PRIM1: variants seen among roughly 807,000 people sequenced by gnomAD.
PRIM1 encodes DNA primase subunit 1.
In PRIM1, 38 loss-of-function variants were observed where a neutral mutation model predicts 60.2. That is an observed-to-expected ratio of 0.63 (90% CI 0.49 to 0.83). PRIM1 has a LOEUF of 0.83. Among genes scored for constraint, PRIM1 ranks in the 40% least tolerant of loss-of-function variants. The pLI, the probability that PRIM1 is intolerant of heterozygous loss-of-function variation, is 0.00. For missense variants in PRIM1, 388 were observed against 506.2 expected, an observed-to-expected ratio of 0.77 and a Z score of 2.24; for synonymous variants, 158 against 160.2, an observed-to-expected ratio of 0.99 and a Z score of 0.10.
At chr12:56,748,559 G>A (rs1000114124) in intron 2 of PRIM1, among the ~76,000 whole-genome samples, 1 of 151,172 alleles carries the variant, frequency 6.6e-6, no homozygotes, top group Non-Finnish European at 1.5e-5. Flanking sequence ...CCCGGGAGGC[G>A]GAGGCTGCAG....
intron 11 of PRIM1, among the ~76,000 whole-genome samples, chr12:56,737,037 C>T (rs968752408): frequency 1.3e-5 from 2 of 152,012 alleles, no homozygotes; most frequent in African/African-American, 2.4e-5. Context: ...CTCGGCCTCC[C>T]AAAGTGCTGG....
chr12:56,737,262 T>G (rs1381850777), intron 11 of PRIM1, among the ~76,000 whole-genome samples: 1 of 151,786 alleles, frequency 6.6e-6, no homozygotes, highest in Non-Finnish European at 1.5e-5. Flanking sequence ...CTCCTCCCCC[T>G]CTCTTTGCAG....
intron 1 of PRIM1, 126 bp from the exon 2 acceptor site, chr12:56,751,321 C>T: frequency 3.0e-6 from 2 of 673,862 alleles, no homozygotes; most frequent in Non-Finnish European, 4.6e-6. Flanking sequence ...GCTCTGTCGC[C>T]CAGACTGGAG....
rs1953847940 is a variant in PRIM1, at chr12:56,738,312, T to C, written c.1144+122A>G. The C allele has an allele frequency of 3.8e-6, 5 of 1,328,112 alleles. No homozygotes were observed. The South Asian group carries it at 6.1e-5, about 16-fold the overall frequency. The allele number at this position is 1,328,112 out of a possible 1,614,324, so 82.3% of individuals were successfully genotyped here. A position where few individuals can be genotyped will look rare whatever the true frequency, so the allele number is the denominator to read the frequency against. ...TTGAAGAAAGGACACAAACATTGTA[T>C]GCAGTTCCAGGACAAATGCTGATCC... On this transcript the variant is annotated intron_variant, in intron 11 of 12. Coordinates refer to ENST00000338193, the MANE Select transcript of PRIM1 (RefSeq NM_000946.3).
At chr12:56,736,732 G>A (rs1040546250) in intron 11 of PRIM1, among the ~76,000 whole-genome samples, 4 of 152,066 alleles carry the variant, frequency 2.6e-5, no homozygotes, top group African/African-American at 9.7e-5. Flanking sequence ...CCAAACTCCT[G>A]ACCTCAGGTG....
chr12:56,752,128 A>T, intron 1 of PRIM1, 68 bp downstream of exon 1: 1 of 1,206,760 alleles, frequency 8.3e-7, no homozygotes, highest in Non-Finnish European at 1.2e-6. Flanking sequence ...TCATATTGTC[A>T]TTCTAAGGAC....
intron 11 of PRIM1, among the ~76,000 whole-genome samples, chr12:56,736,272 TG>T (rs1953828517): frequency 9.4e-6 from 1 of 106,010 alleles, no homozygotes. Flanking sequence ...CACACCAGCC[TG>T]GGTGACAGAG....
At chr12:56,745,308 G>A (rs1953898765) in intron 5 of PRIM1, among the ~76,000 whole-genome samples, 1 of 151,932 alleles carries the variant, frequency 6.6e-6, no homozygotes, top group African/African-American at 2.4e-5. Flanking sequence ...CTACTCAGGA[G>A]GCTGAGGTAG....
In PRIM1 at chr12:56,743,961, T is replaced by C. The variant is rs1953889460; in HGVS notation, c.638+104A>G. On this transcript the variant is annotated intron_variant, in intron 6 of 12. Coordinates refer to ENST00000338193, the MANE Select transcript of PRIM1 (RefSeq NM_000946.3). ...ACTCAATTAACCATAGCTATTATTATTATAAAATGCTACCCAGCAGTGAAA... is the reference window on the plus strand; with the variant it reads ...ACTCAATTAACCATAGCTATTATTACTATAAAATGCTACCCAGCAGTGAAA... 5.3e-6 allele frequency: 4 copies of C among 752,962 alleles called. No homozygotes were observed. In the South Asian group the frequency reaches 7.6e-5, roughly 14 times the overall value. 46.6% of individuals were successfully genotyped at this position (752,962 alleles called of 1,614,324 possible). A position where few individuals can be genotyped will look rare whatever the true frequency, so the allele number is the denominator to read the frequency against.
chr12:56,737,331 G>A (rs541676813), intron 11 of PRIM1, among the ~76,000 whole-genome samples: 5 of 150,858 alleles, frequency 3.3e-5, no homozygotes, highest in Admixed American at 6.7e-5. Context: ...GTTGGGGAGT[G>A]CTGCGCTGCT....
intron 2 of PRIM1, among the ~76,000 whole-genome samples, 172 bp from the exon 3 acceptor site, chr12:56,747,204 A>C (rs375581661): frequency 1.1e-3 from 159 of 151,398 alleles, no homozygotes; most frequent in African/African-American, 3.7e-3. Context: ...ACTATTGATG[A>C]GAGTCTTAAC....
intron 7 of PRIM1, chr12:56,742,070 T>C (rs1469468369): frequency 4.0e-6 from 2 of 495,080 alleles, no homozygotes; most frequent in South Asian, 2.0e-5. Flanking sequence ...CTGGCCAACA[T>C]GGTGAAACCC....
chr12:56,745,044 T>G (rs1330982754), intron 5 of PRIM1, among the ~76,000 whole-genome samples: 1 of 150,560 alleles, frequency 6.6e-6, no homozygotes, highest in Non-Finnish European at 1.5e-5. Context: ...GACGCGGAGG[T>G]TGTGGTGAGC....
intron 6 of PRIM1, 200 bp downstream of exon 6, chr12:56,743,865 T>G (rs2137864641): frequency 2.2e-6 from 1 of 450,342 alleles, no homozygotes; most frequent in East Asian, 3.3e-5. Context: ...AAGTCTCTTG[T>G]GGGGTTTTTT....
intron 6 of PRIM1, 67 bp from the exon 7 acceptor site, chr12:56,743,163 C>A: frequency 7.1e-7 from 1 of 1,408,122 alleles, no homozygotes; most frequent in Admixed American, 3.7e-5. Flanking sequence ...ATAGGTATTG[C>A]TGCCATTGTG....
chr12:56,746,328 T>C (rs957400530), intron 4 of PRIM1, 147 bp from the exon 5 acceptor site: 112 of 1,079,078 alleles, frequency 1.0e-4, no homozygotes, highest in Non-Finnish European at 1.5e-4. Flanking sequence ...AATTTCTTTC[T>C]TTTTTAAAAA....
rs1224523211 is a variant in PRIM1, at chr12:56,751,157, T to C, written c.142A>G (p.Thr48Ala). ...NYFQHREFSF[T>A]LKDDIYIRYQ... ...CGAATGTAAATATCATCTTTCAATG[T>C]GAATGAAAATTCACGGTGTTGAAAG... is the stretch of plus-strand genomic sequence containing the variant. Residue 48 changes from threonine (T) to alanine (A), a missense_variant, in exon 2 of 13, where the codon ACA becomes GCA. Transcript: ENST00000338193. The C allele has an allele frequency of 1.3e-6, 2 of 1,563,712 alleles. No homozygotes were observed. Among genetic ancestry groups the C allele is most frequent in the African/African-American group, 1.4e-5 (1 of 73,880 alleles).
At chr12:56,749,796 C>T (rs1953933599) in intron 2 of PRIM1, among the ~76,000 whole-genome samples, 1 of 152,150 alleles carries the variant, frequency 6.6e-6, no homozygotes. Flanking sequence ...ATGAAAAACT[C>T]CACATAAAAG....
At chr12:56,734,319 T>C (rs1401485181) in intron 11 of PRIM1, 74 bp from the exon 12 acceptor site, 3 of 923,544 alleles carry the variant, frequency 3.2e-6, no homozygotes, top group Non-Finnish European at 4.9e-6. Context: ...ACTAAGTTTC[T>C]TATAAGAATT....
Sources: gnomAD v4.1 joint callset for allele counts (sites outside exome capture counted in the v4.1 genomes callset) on GRCh38, gnomAD v4.1.1 for gene constraint, MANE v1.5 for transcripts, NCBI Gene and HGNC (gene_info 2026-07-23, HGNC 2026-07-21) for gene names.